The following TAFA1 variants were observed in gnomAD, a reference collection of about 807,000 sequenced individuals.
TAFA1 encodes TAFA chemokine like family member 1.
Under a neutral mutation model 18.5 loss-of-function variants are expected in TAFA1, and 4 were observed. The ratio of observed to expected loss-of-function variants is 0.22; its 90% confidence interval spans 0.11 to 0.49. The LOEUF (loss-of-function observed/expected upper bound fraction) is 0.49. Ranked by LOEUF, TAFA1 falls within the 20% of genes least tolerant of loss-of-function variation. The pLI is 0.98. For synonymous variants in TAFA1, 56 were observed against 55.2 expected, an observed-to-expected ratio of 1.01 and a Z score of -0.06; for missense variants, 147 against 169.0, an observed-to-expected ratio of 0.87 and a Z score of 0.72.
intron 2 of TAFA1, among the ~76,000 whole-genome samples, chr3:68,081,141 C>T (rs935006626): frequency 2.6e-5 from 4 of 152,164 alleles, no homozygotes; most frequent in African/African-American, 9.7e-5. Flanking sequence ...ACGTAGTTCT[C>T]GAGCCTTGGT....
chr3:68,244,997 G>C (rs947239193), intron 2 of TAFA1, among the ~76,000 whole-genome samples: 4 of 152,110 alleles, frequency 2.6e-5, no homozygotes, highest in Non-Finnish European at 5.9e-5. Flanking sequence ...TCTTACCAAA[G>C]GAAGCTCAGA....
At chr3:68,064,745 G>T (rs953124349) in intron 2 of TAFA1, among the ~76,000 whole-genome samples, 6 of 151,636 alleles carry the variant, frequency 4.0e-5, no homozygotes, top group African/African-American at 1.5e-4. Context: ...TTCTGCTTGA[G>T]AAGTATCCTA....
chr3:68,339,195 C>A (rs1415092106), intron 2 of TAFA1, among the ~76,000 whole-genome samples: 1 of 152,208 alleles, frequency 6.6e-6, no homozygotes, highest in African/African-American at 2.4e-5. Context: ...ACCATAGTCA[C>A]CCTTCCTTTT....
At chr3:68,136,885 G>A (rs959061287) in intron 2 of TAFA1, among the ~76,000 whole-genome samples, 2 of 152,224 alleles carry the variant, frequency 1.3e-5, no homozygotes, top group East Asian at 3.9e-4. Flanking sequence ...TTAGCCCAGT[G>A]GTTTGCTGCA....
At chr3:68,538,611 TAATAGAGC>T in intron 3 of TAFA1, 137 bp from the exon 4 acceptor site, 1 of 677,526 alleles carries the variant, frequency 1.5e-6, no homozygotes. Flanking sequence ...CTTATTTTTT[TAATAGAGC>T]TTTCTTAGCT....
At chr3:68,018,091 G>C (rs181753352) in intron 2 of TAFA1, among the ~76,000 whole-genome samples, 39 of 152,326 alleles carry the variant, frequency 2.6e-4, no homozygotes, top group Admixed American at 2.0e-3. Flanking sequence ...GCACTAGTTA[G>C]AGAAACTTTT....
intron 3 of TAFA1, among the ~76,000 whole-genome samples, chr3:68,501,330 G>T (rs1157667479): frequency 2.0e-5 from 3 of 152,046 alleles, no homozygotes; most frequent in Admixed American, 6.6e-5. Flanking sequence ...TTAAGTGAAT[G>T]CAGGTCATAA....
At chr3:68,021,371 C>A (rs1230674921) in intron 2 of TAFA1, among the ~76,000 whole-genome samples, 1 of 151,986 alleles carries the variant, frequency 6.6e-6, no homozygotes, top group Non-Finnish European at 1.5e-5. Flanking sequence ...TGCTATAGTT[C>A]TATTAAAAGA....
intron 3 of TAFA1, among the ~76,000 whole-genome samples, chr3:68,418,705 C>T (rs1169970740): frequency 2.0e-5 from 3 of 152,146 alleles, no homozygotes; most frequent in Non-Finnish European, 4.4e-5. Context: ...TACTGTATTC[C>T]AGATACCACT....
At chr3:68,375,429 A>G (rs189029566) in intron 2 of TAFA1, among the ~76,000 whole-genome samples, 3 of 152,218 alleles carry the variant, frequency 2.0e-5, no homozygotes, top group African/African-American at 7.2e-5. Flanking sequence ...ACATATTGGC[A>G]TACTTACTCC....
chr3:68,544,287 A>C (rs536693873), intron 4 of TAFA1, among the ~76,000 whole-genome samples, 199 bp from the exon 5 acceptor site: 2 of 152,244 alleles, frequency 1.3e-5, no homozygotes, highest in East Asian at 1.9e-4. Flanking sequence ...CATTGATAAA[A>C]ATATGGTGGC....
intron 2 of TAFA1, among the ~76,000 whole-genome samples, chr3:68,228,445 A>C (rs2066830373): frequency 6.6e-6 from 1 of 152,180 alleles, no homozygotes; most frequent in South Asian, 2.1e-4. Context: ...CTGCTATGTC[A>C]GGCATGATAA....
rs75405868 is a variant in TAFA1, at chr3:68,117,593, G to T, written c.118+110849G>T. On this transcript the variant is annotated intron_variant, in intron 2 of 4. Transcript: ENST00000478136. Reference sequence around the variant, plus strand: ...TAACCTTGGGCAGTGGGCTACTTCTGCAAATGAGAGTTTCACAGTCTCTTC... The same window carrying T: ...TAACCTTGGGCAGTGGGCTACTTCTTCAAATGAGAGTTTCACAGTCTCTTC... 1.7e-3 allele frequency among the ~76,000 whole-genome samples: 266 copies of T among 152,258 alleles called. 2 individuals are homozygous for T. The highest frequency in any genetic ancestry group is 5.5e-3 in the African/African-American group (230 of 41,548).
At chr3:68,228,326 C>T (rs914239761) in intron 2 of TAFA1, among the ~76,000 whole-genome samples, 2 of 152,106 alleles carry the variant, frequency 1.3e-5, no homozygotes, top group African/African-American at 4.8e-5. Context: ...CGATTAAAGC[C>T]CATTGCAGCC....
At chr3:67,994,186 A>G in the TAFA1 span, among the ~76,000 whole-genome samples, 1 of 152,206 alleles carries the variant, frequency 6.6e-6, no homozygotes, top group Admixed American at 6.5e-5. Flanking sequence ...CATTTCAAAA[A>G]TTAGGGTCAT....
At chr3:68,328,280 G>C (rs1485856157) in intron 2 of TAFA1, among the ~76,000 whole-genome samples, 1 of 152,162 alleles carries the variant, frequency 6.6e-6, no homozygotes, top group Non-Finnish European at 1.5e-5. Flanking sequence ...GCTGTGTGGA[G>C]TGTTGAAATT....
intron 2 of TAFA1, among the ~76,000 whole-genome samples, chr3:68,076,255 A>G (rs569382722): frequency 6.6e-6 from 1 of 151,238 alleles, no homozygotes; most frequent in African/African-American, 2.4e-5. Context: ...AACAAGCCAT[A>G]AGGGGTTTTT....
chr3:68,522,678 G>A (rs749613442), intron 3 of TAFA1, among the ~76,000 whole-genome samples: 55 of 146,912 alleles, frequency 3.7e-4, no homozygotes, highest in Middle Eastern at 3.8e-3. Context: ...GTGAAACCCC[G>A]TTTCTACTAA....
rs1559527460 is a variant in TAFA1, at chr3:68,120,167, CTTTCTCTTTCTTTCTTTCTT to C, written c.118+113425_118+113444del. ...TCATTTTCTTTCTTTCTTTCTCTTT[CTTTCTCTTTCTTTCTTTCTT>C]TCTTTCTTTCTTTCTTTCTTTCTTT... On this transcript the variant is annotated intron_variant, in intron 2 of 4. Transcript: ENST00000478136. Among the ~76,000 whole-genome samples, 173 of 147,576 alleles carry C rather than the reference CTTTCTCTTTCTTTCTTTCTT, an allele frequency of 1.2e-3. 7 individuals are homozygous for C. The highest frequency in any genetic ancestry group is 4.1e-3 in the African/African-American group (159 of 39,178).
Sources: gnomAD v4.1 joint callset for allele counts (sites outside exome capture counted in the v4.1 genomes callset) on GRCh38, gnomAD v4.1.1 for gene constraint, MANE v1.5 for transcripts, NCBI Gene and HGNC (gene_info 2026-07-23, HGNC 2026-07-21) for gene names.